DNER: variants seen among roughly 807,000 people sequenced by gnomAD.
DNER encodes delta/notch like EGF repeat containing, also known as delta and Notch-like epidermal growth factor-related receptor.
A neutral mutation model predicts 78.2 loss-of-function variants in DNER; 33 were observed. That is an observed-to-expected ratio of 0.42 (90% CI 0.32 to 0.56). DNER has a LOEUF of 0.56. DNER is among the 20% of genes least tolerant of loss of function. The probability of loss-of-function intolerance (pLI) is 0.11; values close to 1 mark genes in which losing one functional copy is unlikely to be tolerated. For missense variants in DNER, 918 were observed against 975.3 expected (o/e 0.94, Z 0.78); for synonymous variants, 417 against 384.8 (o/e 1.08, Z -0.98).
intron 1 of DNER, among the ~76,000 whole-genome samples, chr2:229,710,015 T>C (rs968922925): frequency 2.0e-5 from 3 of 152,166 alleles, no homozygotes; most frequent in Non-Finnish European, 4.4e-5. Flanking sequence ...TTCTAATCAG[T>C]TGAAGTTTTT....
chr2:229,604,747 G>A (rs1421693832), intron 1 of DNER, among the ~76,000 whole-genome samples: 1 of 152,130 alleles, frequency 6.6e-6, no homozygotes, highest in Non-Finnish European at 1.5e-5. Flanking sequence ...CCGGGAATAG[G>A]ACAAAAATCA....
intron 10 of DNER, among the ~76,000 whole-genome samples, chr2:229,393,674 C>G (rs532051906): frequency 6.6e-6 from 1 of 151,980 alleles, no homozygotes; most frequent in African/African-American, 2.4e-5. Context: ...GGTGAAACCC[C>G]GTCTCTACTA....
chr2:229,482,865 T>C (rs1045046722), intron 6 of DNER, among the ~76,000 whole-genome samples: 2 of 151,874 alleles, frequency 1.3e-5, no homozygotes, highest in African/African-American at 2.4e-5. Context: ...AAGAGAAGGG[T>C]ATCAAAGCTT....
intron 5 of DNER, among the ~76,000 whole-genome samples, chr2:229,518,520 C>A (rs1329675419): frequency 2.0e-5 from 3 of 152,202 alleles, no homozygotes; most frequent in African/African-American, 7.2e-5. Flanking sequence ...TGTAAATAGG[C>A]TTTTATCTCA....
intron 1 of DNER, among the ~76,000 whole-genome samples, chr2:229,692,660 T>G (rs1218559713): frequency 6.6e-6 from 1 of 152,196 alleles, no homozygotes; most frequent in East Asian, 1.9e-4. Flanking sequence ...AAAATGGTTT[T>G]GGGGTTCATC....
Position 229,367,091 on chromosome 2 carries a change from C to G in DNER, c.1884G>C (p.Ala628=). 6.2e-7 allele frequency: 1 copy of G among 1,614,092 alleles called. No individual in the cohort carries two copies. Among genetic ancestry groups the G allele is most frequent in the African/African-American group, 1.3e-5 (1 of 75,048 alleles). The change falls in exon 12 of 13, where the codon GCG becomes GCC. Residue 628 remains alanine (A), a synonymous_variant. Coordinates refer to ENST00000341772, the MANE Select transcript of DNER (RefSeq NM_139072.4). ...IHLQWKSGHM[A]ESLTNMPRHS... ...GCCGTGGCATGTTGGTGAGGCTCTCCGCCATGTGCCCGGACTTCCATTGGA... is the reference window on the plus strand; with the variant it reads ...GCCGTGGCATGTTGGTGAGGCTCTCGGCCATGTGCCCGGACTTCCATTGGA...
chr2:229,407,384 ACT>A (rs1363349062), intron 9 of DNER, 39 bp from the exon 10 acceptor site: 3 of 1,579,616 alleles, frequency 1.9e-6, no homozygotes, highest in Non-Finnish European at 2.6e-6. Context: ...CTCATCCAGG[ACT>A]CTCTGGCTCC....
At chr2:229,396,484 G>T (rs1469330792) in intron 10 of DNER, among the ~76,000 whole-genome samples, 2 of 152,154 alleles carry the variant, frequency 1.3e-5, no homozygotes, top group Non-Finnish European at 2.9e-5. Flanking sequence ...GACAGAAACA[G>T]AAAGAATAAA....
At chr2:229,586,569 A>C in intron 3 of DNER, 1 of 461,802 alleles carries the variant, frequency 2.2e-6, no homozygotes, top group Non-Finnish European at 2.8e-6. Context: ...ACCACCCCAC[A>C]GAGAATAGGA....
At chr2:229,420,266 C>G (rs1693737877) in intron 8 of DNER, among the ~76,000 whole-genome samples, 1 of 152,088 alleles carries the variant, frequency 6.6e-6, no homozygotes, top group African/African-American at 2.4e-5. Flanking sequence ...AACAAGTTTG[C>G]TGATTCTTGA....
intron 1 of DNER, among the ~76,000 whole-genome samples, chr2:229,629,968 G>A (rs1698406979): frequency 6.6e-6 from 1 of 152,134 alleles, no homozygotes; most frequent in African/African-American, 2.4e-5. Context: ...CTCAAATTAG[G>A]AGCACACAGA....
chr2:229,666,269 G>T (rs186647032), intron 1 of DNER, among the ~76,000 whole-genome samples: 1 of 152,058 alleles, frequency 6.6e-6, no homozygotes, highest in Non-Finnish European at 1.5e-5. Context: ...ACCATCACAC[G>T]AGAAATGGAG....
chr2:229,474,611 A>G (rs1326863071), intron 7 of DNER, among the ~76,000 whole-genome samples: 2 of 152,202 alleles, frequency 1.3e-5, no homozygotes, highest in African/African-American at 4.8e-5. Flanking sequence ...CTCTGTGTTT[A>G]GATGAGACCA....
chr2:229,595,269 C>G (rs1420147602), intron 1 of DNER, among the ~76,000 whole-genome samples: 1 of 151,240 alleles, frequency 6.6e-6, no homozygotes, highest in Admixed American at 6.6e-5. Context: ...AGAATAAAGG[C>G]CAAAGTATTC....
At chr2:229,406,637 GT>G (rs1693390661) in intron 10 of DNER, among the ~76,000 whole-genome samples, 2 of 152,114 alleles carry the variant, frequency 1.3e-5, no homozygotes, top group South Asian at 4.1e-4. Flanking sequence ...TTTCACATCT[GT>G]TTTTGAGATT....
At chr2:229,415,139 G>A (rs1317988682) in intron 9 of DNER, among the ~76,000 whole-genome samples, 1 of 149,038 alleles carries the variant, frequency 6.7e-6, no homozygotes, top group Non-Finnish European at 1.5e-5. Context: ...TCCAGCCTGG[G>A]CAATGAGAGT....
intron 5 of DNER, among the ~76,000 whole-genome samples, chr2:229,528,676 C>T (rs766585794): frequency 1.1e-4 from 16 of 152,102 alleles, no homozygotes; most frequent in Admixed American, 7.9e-4. Context: ...ATCACCTGGA[C>T]CGAGGACAGG....
chr2:229,543,163 A>AAAG (rs905778815), intron 5 of DNER, among the ~76,000 whole-genome samples: 1 of 149,292 alleles, frequency 6.7e-6, no homozygotes, highest in African/African-American at 2.5e-5. Context: ...ATTAAAAAAA[A>AAAG]AAGAAGAAGA....
intron 1 of DNER, among the ~76,000 whole-genome samples, chr2:229,668,627 C>T (rs1699152137): frequency 7.1e-6 from 1 of 141,216 alleles, no homozygotes; most frequent in Non-Finnish European, 1.5e-5. Context: ...AAAAGCTCAT[C>T]ATCACTGATC....
Sources: allele counts gnomAD v4.1 joint callset (sites outside exome capture counted in the v4.1 genomes callset), GRCh38; gene constraint gnomAD v4.1.1; transcripts MANE v1.5; gene names NCBI Gene and HGNC (gene_info 2026-07-23, HGNC 2026-07-21).